TTC7A: variants seen among roughly 807,000 people sequenced by gnomAD.
The protein encoded by TTC7A is tetratricopeptide repeat protein 7A.
Under a neutral mutation model 103.7 loss-of-function variants are expected in TTC7A, and 110 were observed. The observed-to-expected ratio is 1.06, with a 90% CI of 0.91 to 1.24. The LOEUF (loss-of-function observed/expected upper bound fraction) is 1.24, where lower values mean the gene tolerates loss of function less well. TTC7A is among the 50% of genes most tolerant of loss of function. TTC7A has a pLI of 0.00. For missense variants in TTC7A, 1,340 were observed against 1,116.3 expected (o/e 1.20, Z -2.86); for synonymous variants, 521 against 467.9 (o/e 1.11, Z -1.47).
chr2:47,009,771 G>C (rs1156887883), intron 10 of TTC7A, among the ~76,000 whole-genome samples: 1 of 152,064 alleles, frequency 6.6e-6, no homozygotes, highest in Non-Finnish European at 1.5e-5. Flanking sequence ...AATTGTCATA[G>C]TTACACACAG....
chr2:47,064,549 C>T (rs1573079195), intron 19 of TTC7A, among the ~76,000 whole-genome samples: 2 of 152,116 alleles, frequency 1.3e-5, no homozygotes, highest in South Asian at 2.1e-4. Context: ...CAAGGCTTGC[C>T]CAGGAAGGGA....
intron 8 of TTC7A, among the ~76,000 whole-genome samples, chr2:47,001,282 A>G (rs958362581): frequency 4.6e-5 from 7 of 152,128 alleles, no homozygotes; most frequent in Non-Finnish European, 8.8e-5. Flanking sequence ...GCAGCCACCA[A>G]AGGATCAGGA....
intron 9 of TTC7A, 108 bp downstream of exon 9, chr2:47,006,167 T>C: frequency 6.9e-7 from 1 of 1,455,112 alleles, no homozygotes; most frequent in Non-Finnish European, 9.3e-7. Flanking sequence ...CCTGCCAGGC[T>C]GCTCTGCCGC....
intron 8 of TTC7A, among the ~76,000 whole-genome samples, chr2:46,998,520 T>C (rs947708796): frequency 6.6e-6 from 1 of 152,220 alleles, no homozygotes; most frequent in African/African-American, 2.4e-5. Context: ...AGGGTTTTCC[T>C]CATCCCGCTT....
intron 19 of TTC7A, among the ~76,000 whole-genome samples, chr2:47,062,894 C>G (rs994416278): frequency 6.6e-6 from 1 of 152,210 alleles, no homozygotes; most frequent in Admixed American, 6.5e-5. Context: ...CAAGTCAGAG[C>G]CAGGCCTGCC....
intron 3 of TTC7A, among the ~76,000 whole-genome samples, chr2:46,971,626 C>A (rs537524943): frequency 3.3e-5 from 5 of 150,970 alleles, no homozygotes; most frequent in Non-Finnish European, 7.4e-5. Context: ...TGTAGTCATC[C>A]ACTCAGGAGA....
At chr2:47,056,970 T>C (rs987892161) in intron 18 of TTC7A, among the ~76,000 whole-genome samples, 5 of 152,024 alleles carry the variant, frequency 3.3e-5, no homozygotes, top group African/African-American at 1.2e-4. Context: ...TCAAGGAAAA[T>C]GTGGTGCCCT....
intron 1 of TTC7A, among the ~76,000 whole-genome samples, chr2:46,945,897 C>A (rs1241260443): frequency 6.6e-6 from 1 of 152,206 alleles, no homozygotes; most frequent in Non-Finnish European, 1.5e-5. Context: ...AGGTGAGCAG[C>A]TGCAGAAACC....
chr2:46,973,061 G>T (rs1009804291), intron 3 of TTC7A, among the ~76,000 whole-genome samples: 9 of 146,892 alleles, frequency 6.1e-5, no homozygotes, highest in African/African-American at 2.2e-4. Context: ...TCCTAGTCAT[G>T]GGCTCACAAC....
At position 47,024,303 on chromosome 2, in the gene TTC7A, C is replaced by G; in HGVS notation, c.1585C>G (p.Pro529Ala). 1 of 1,607,514 alleles carries G rather than the reference C, an allele frequency of 6.2e-7. No homozygotes were observed. Residue 529 changes from proline to alanine, a missense_variant, in exon 14 of 20, where the codon CCC becomes GCC. Transcript: ENST00000319190. ...CCCACACAGGGCTCAGCAGCTGGCG[C>G]CCAGTGACCCCCAGGTCATCCTCTA... The part of the protein sequence containing the change: ...QTLERAQQLA[P>A]SDPQVILYVS...
At chr2:47,032,376 A>C (rs957885251) in intron 15 of TTC7A, among the ~76,000 whole-genome samples, 1 of 152,148 alleles carries the variant, frequency 6.6e-6, no homozygotes, top group African/African-American at 2.4e-5. Context: ...TGCTTCCCCA[A>C]GGCTTGCAAG....
At chr2:46,944,670 C>T (rs1246692068) in intron 1 of TTC7A, among the ~76,000 whole-genome samples, 4 of 152,094 alleles carry the variant, frequency 2.6e-5, no homozygotes, top group Non-Finnish European at 5.9e-5. Context: ...TCAGCCCAGG[C>T]AACATACCTC....
At chr2:47,023,304 T>C in intron 12 of TTC7A, 104 bp from the exon 13 acceptor site, 2 of 1,235,730 alleles carry the variant, frequency 1.6e-6, no homozygotes, top group Non-Finnish European at 1.2e-6. Context: ...GGGACCCTGG[T>C]GGGGCCTTTA....
intron 10 of TTC7A, among the ~76,000 whole-genome samples, chr2:47,010,737 T>A (rs564339557): frequency 6.6e-6 from 1 of 152,346 alleles, no homozygotes; most frequent in South Asian, 2.1e-4. Flanking sequence ...TCTCACTGTG[T>A]CACCCAGGCT....
In TTC7A at chr2:47,069,653, C is replaced by T. The variant is rs918738507; in HGVS notation, c.2356-4049C>T. On this transcript the variant is annotated intron_variant, in intron 19 of 19. Coordinates refer to ENST00000319190, the MANE Select transcript of TTC7A (RefSeq NM_020458.4). ...GTGGGAGGTTTTCAGCCTGGAGAGG[C>T]GCCTCCCTCCCTCCCGTTCCAGGTC... is the stretch of plus-strand genomic sequence containing the variant. 5.3e-5 allele frequency among the ~76,000 whole-genome samples: 8 copies of T among 152,280 alleles called. No homozygotes were observed. The South Asian group carries it at 8.3e-4, about 16-fold the overall frequency.
At chr2:46,920,072 A>C (rs1669020144) in intron 2 of TTC7A, among the ~76,000 whole-genome samples, 1 of 152,204 alleles carries the variant, frequency 6.6e-6, no homozygotes, top group African/African-American at 2.4e-5. Flanking sequence ...TCTGCATTTG[A>C]TGACCTTGTT....
intron 7 of TTC7A, 83 bp downstream of exon 7, chr2:46,994,597 C>T: frequency 7.2e-7 from 1 of 1,395,778 alleles, no homozygotes; most frequent in Non-Finnish European, 1.0e-6. Flanking sequence ...TCCTCTTTGC[C>T]CCATGCTCTC....
chr2:46,931,494 G>T (rs1322807255), intron 2 of TTC7A, among the ~76,000 whole-genome samples: 1 of 152,040 alleles, frequency 6.6e-6, no homozygotes, highest in African/African-American at 2.4e-5. Flanking sequence ...ATAATCACAA[G>T]AGTCTTTCTA....
intron 10 of TTC7A, among the ~76,000 whole-genome samples, chr2:47,010,986 C>T (rs1252866974): frequency 1.3e-5 from 2 of 152,208 alleles, no homozygotes; most frequent in Non-Finnish European, 2.9e-5. Flanking sequence ...AGGCGTGAGC[C>T]ACCGTGCCCA....
Sources: allele counts gnomAD v4.1 joint callset (sites outside exome capture counted in the v4.1 genomes callset), GRCh38; gene constraint gnomAD v4.1.1; transcripts MANE v1.5; gene names NCBI Gene and HGNC (gene_info 2026-07-23, HGNC 2026-07-21).